LHFPL3: variants seen among roughly 807,000 people sequenced by gnomAD.
The protein encoded by LHFPL3 is LHFPL tetraspan subfamily member 3, also known as LHFPL tetraspan subfamily member 3 protein.
A neutral mutation model predicts 19.3 loss-of-function variants in LHFPL3; 5 were observed. That is an observed-to-expected ratio of 0.26 (90% confidence interval 0.14 to 0.54). The LOEUF (loss-of-function observed/expected upper bound fraction) is 0.54, where lower values mean the gene tolerates loss of function less well. Among genes scored for constraint, LHFPL3 ranks in the 20% least tolerant of loss-of-function variants. The pLI is 0.94. For synonymous variants in LHFPL3, 133 were observed against 126.2 expected, an observed-to-expected ratio of 1.05 and a Z score of -0.36; for missense variants, 249 against 307.4, an observed-to-expected ratio of 0.81 and a Z score of 1.42.
At chr7:104,831,761 G>A (rs1244971376) in intron 2 of LHFPL3, among the ~76,000 whole-genome samples, 1 of 146,316 alleles carries the variant, frequency 6.8e-6, no homozygotes, top group African/African-American at 2.5e-5. Flanking sequence ...TATAACACAT[G>A]TGTAATTGTA....
chr7:104,546,753 A>T (rs1377429632), intron 1 of LHFPL3, among the ~76,000 whole-genome samples: 1 of 152,146 alleles, frequency 6.6e-6, no homozygotes, highest in Non-Finnish European at 1.5e-5. Flanking sequence ...TTCCTTTGTC[A>T]CTGGAGACCT....
chr7:104,482,623 A>G (rs1793158770), intron 1 of LHFPL3, among the ~76,000 whole-genome samples: 1 of 152,250 alleles, frequency 6.6e-6, no homozygotes, highest in African/African-American at 2.4e-5. Context: ...GAACTAAAAG[A>G]AGATACTGCC....
intron 2 of LHFPL3, among the ~76,000 whole-genome samples, chr7:104,738,341 A>T (rs761502348): frequency 5.3e-5 from 8 of 152,298 alleles, no homozygotes; most frequent in Non-Finnish European, 1.0e-4. Flanking sequence ...TGTTGGATGT[A>T]GACAGGTCTC....
intron 1 of LHFPL3, among the ~76,000 whole-genome samples, chr7:104,352,178 T>A (rs191772056): frequency 3.5e-4 from 47 of 133,416 alleles, no homozygotes; most frequent in Non-Finnish European, 4.2e-4. Flanking sequence ...AAAAAAAAAA[T>A]CTCATACAAC....
intron 1 of LHFPL3, chr7:104,669,455 C>T (rs1792428384): frequency 2.5e-6 from 4 of 1,613,028 alleles, no homozygotes; most frequent in Non-Finnish European, 3.4e-6. Context: ...GACTCCAGAT[C>T]TGCACCTGAG....
intron 2 of LHFPL3, among the ~76,000 whole-genome samples, chr7:104,838,879 T>TA (rs1355615266): frequency 1.3e-5 from 2 of 152,356 alleles, no homozygotes; most frequent in East Asian, 3.8e-4. Flanking sequence ...ATGTAGTTAA[T>TA]ACCAGAACTC....
chr7:104,854,589 T>G (rs1161748166), intron 2 of LHFPL3, among the ~76,000 whole-genome samples: 3 of 152,308 alleles, frequency 2.0e-5, no homozygotes, highest in Admixed American at 6.5e-5. Context: ...CAACAATGTA[T>G]CTTCTTATAC....
At chr7:104,514,251 A>T (rs1411789553) in intron 1 of LHFPL3, among the ~76,000 whole-genome samples, 1 of 152,102 alleles carries the variant, frequency 6.6e-6, no homozygotes, top group Non-Finnish European at 1.5e-5. Context: ...TTTGCCTAAT[A>T]AATCTTCTAC....
chr7:104,381,273 T>C (rs1225708169), intron 1 of LHFPL3, among the ~76,000 whole-genome samples: 1 of 152,200 alleles, frequency 6.6e-6, no homozygotes, highest in Non-Finnish European at 1.5e-5. Flanking sequence ...AACAGAATGC[T>C]GTGTATTTGA....
intron 1 of LHFPL3, among the ~76,000 whole-genome samples, chr7:104,575,626 C>T (rs1790323931): frequency 1.5e-5 from 2 of 136,736 alleles, no homozygotes; most frequent in African/African-American, 5.4e-5. Context: ...CAATGGTGGG[C>T]TTCTTTGCTT....
chr7:104,858,094 G>C (rs1408392350), intron 2 of LHFPL3, among the ~76,000 whole-genome samples: 1 of 152,156 alleles, frequency 6.6e-6, no homozygotes. Context: ...TAACATTACA[G>C]GTGTTTCAGG....
At chr7:104,701,096 C>T (rs984160427) in intron 1 of LHFPL3, among the ~76,000 whole-genome samples, 4 of 152,154 alleles carry the variant, frequency 2.6e-5, no homozygotes, top group Admixed American at 6.5e-5. Context: ...TATGCCCTCT[C>T]GCTTGATGGA....
At chr7:104,560,877 TTG>T (rs1457416314) in intron 1 of LHFPL3, among the ~76,000 whole-genome samples, 2 of 150,600 alleles carry the variant, frequency 1.3e-5, no homozygotes, top group Non-Finnish European at 2.9e-5. Context: ...TTCTGGTATG[TTG>T]TGTCTTTGTT....
In LHFPL3 at chr7:104,829,479, CA is replaced by C. The variant is rs1366451317; in HGVS notation, c.683-76707del. Among the ~76,000 whole-genome samples, 5 of 151,902 alleles carry C rather than the reference CA, an allele frequency of 3.3e-5. No homozygotes were observed. The East Asian group carries it at 5.8e-4, about 18-fold the overall frequency. On this transcript the variant is annotated intron_variant, in intron 2 of 2. Coordinates refer to ENST00000424859, the MANE Select transcript of LHFPL3 (RefSeq NM_199000.3). ...ATATCTCCTAATGCTATCCCTCCCC[CA>C]TCCCCCTACCCCACAACAGTCCCCG... is the stretch of plus-strand genomic sequence containing the variant.
At chr7:104,776,864 G>A (rs1161667347) in intron 2 of LHFPL3, among the ~76,000 whole-genome samples, 1 of 152,178 alleles carries the variant, frequency 6.6e-6, no homozygotes, top group Non-Finnish European at 1.5e-5. Flanking sequence ...TTTTACAACA[G>A]AGGAGCAAAC....
At chr7:104,654,692 T>C (rs541443666) in intron 1 of LHFPL3, among the ~76,000 whole-genome samples, 1 of 152,328 alleles carries the variant, frequency 6.6e-6, no homozygotes, top group Admixed American at 6.5e-5. Flanking sequence ...AAGGTCATGG[T>C]GTCTCGTTTT....
chr7:104,441,334 A>G (rs1010748249), intron 1 of LHFPL3, among the ~76,000 whole-genome samples: 1 of 152,104 alleles, frequency 6.6e-6, no homozygotes, highest in Admixed American at 6.6e-5. Context: ...AGCCAAGGAC[A>G]ATTTCTGTTA....
intron 2 of LHFPL3, among the ~76,000 whole-genome samples, chr7:104,777,854 C>T (rs1794658298): frequency 6.6e-6 from 1 of 152,026 alleles, no homozygotes; most frequent in Non-Finnish European, 1.5e-5. Context: ...GAAATTCCTC[C>T]AAGTGACATG....
intron 1 of LHFPL3, among the ~76,000 whole-genome samples, chr7:104,690,470 T>C (rs572280541): frequency 1.6e-4 from 24 of 152,372 alleles, no homozygotes; most frequent in African/African-American, 5.8e-4. Context: ...CCATAAGATA[T>C]CACACTGGTC....
Sources: allele counts gnomAD v4.1 joint callset (sites outside exome capture counted in the v4.1 genomes callset), GRCh38; gene constraint gnomAD v4.1.1; transcripts MANE v1.5; gene names NCBI Gene and HGNC (gene_info 2026-07-23, HGNC 2026-07-21).